Variants in ZNF48 observed in about 807,000 individuals in gnomAD.
ZNF48 encodes the protein zinc finger protein 48.
ZNF48 carries 20 observed loss-of-function variants against 40.0 expected under a neutral mutation model. That is an observed-to-expected ratio of 0.50 (90% CI 0.35 to 0.73). The LOEUF (loss-of-function observed/expected upper bound fraction) is 0.73. Ranked by LOEUF, ZNF48 falls within the 30% of genes least tolerant of loss-of-function variation. The pLI is 0.01. For missense variants in ZNF48, 726 were observed against 851.9 expected, an observed-to-expected ratio of 0.85 and a Z score of 1.84; for synonymous variants, 298 against 329.7, an observed-to-expected ratio of 0.90 and a Z score of 1.04.
rs1436027284 is a variant in ZNF48, at chr16:30,398,414, C to G, written c.1164C>G (p.Ser388Arg). The G allele has an allele frequency of 3.1e-6, 5 of 1,607,872 alleles. No individual in the cohort carries two copies. The highest frequency in any genetic ancestry group is 4.3e-6 in the Non-Finnish European group (5 of 1,175,940). The change falls in exon 3 of 3, where the codon AGC (serine) becomes AGG (arginine). Residue 388 changes from serine to arginine, a missense_variant. Physicochemically the swap from Ser to Arg is moderately radical, Grantham distance 110. Around this residue, in one of 5 missense-constraint regions of ZNF48, gnomAD observed 378 missense variants for 449.1 expected, o/e 0.84. Coordinates refer to ENST00000613509, the MANE Select transcript of ZNF48 (RefSeq NM_001214909.2). This position sits in a 1 kb window ranked among gnomAD's most constrained non-coding sequence, Gnocchi z 6.6. ...CTCACATGGAGCCCCAGGACTTCAG[C>G]TTCCCAGGCTATCCCCTACCCGCTC... is the stretch of plus-strand genomic sequence containing the variant. Reference protein sequence around the residue: ...RLTHMEPQDFSFPGYPLPALI... With the variant: ...RLTHMEPQDFRFPGYPLPALI...
At chr16:30,393,746 C>T (rs1299392259), upstream of ZNF48, among the ~76,000 whole-genome samples, 2 of 151,190 alleles carry the variant, frequency 1.3e-5, no homozygotes, top group African/African-American at 2.4e-5. Flanking sequence ...GATGGGGTCT[C>T]GCTCTATTAC....
intron 1 of ZNF48, chr16:30,380,327 G>T: frequency 5.8e-6 from 1 of 171,414 alleles, no homozygotes; most frequent in South Asian, 1.4e-4. Flanking sequence ...TTTGAAACAA[G>T]GTTTCACTCT....
intron 1 of ZNF48, chr16:30,379,671 C>G (rs1026676736): frequency 8.9e-5 from 22 of 246,328 alleles, no homozygotes; most frequent in African/African-American, 2.9e-4. Flanking sequence ...TTTTTTGAGA[C>G]AGGGTCTCAC....
rs1280598404 is a variant in ZNF48 at position 30,395,768 on chromosome 16, C to G, written c.-15-12C>G. On this transcript the variant is annotated splice_polypyrimidine_tract_variant and intron_variant, in intron 1 of 2. Coordinates refer to ENST00000613509, the MANE Select transcript of ZNF48 (RefSeq NM_001214909.2). This position sits in a 1 kb window ranked among gnomAD's most constrained non-coding sequence, Gnocchi z 5.9. ...TGCGTGACCGCGGGATGCTGTCTGT[C>G]CCCTTGCTCAGGGCGGCGTGCCGGC... 1.3e-6 allele frequency: 2 copies of G among 1,516,942 alleles called. No homozygotes were observed. Among genetic ancestry groups the G allele is most frequent in the Non-Finnish European group, 1.8e-6 (2 of 1,133,298 alleles). The allele number at this position is 1,516,942 out of a possible 1,614,324, so 94.0% of individuals were successfully genotyped here.
rs2050027344 is a variant in ZNF48, at chr16:30,399,133, A to G, written c.*26A>G. The G allele has an allele frequency of 6.6e-7, 1 of 1,526,462 alleles. No homozygotes were observed. Among genetic ancestry groups the G allele is most frequent in the Non-Finnish European group, 8.8e-7 (1 of 1,138,350 alleles). The allele number at this position is 1,526,462 out of a possible 1,614,324, so 94.6% of individuals were successfully genotyped here. The stretch of plus-strand genomic sequence containing the variant: ...CGCGGTCCAGGGAGGGCGGAGGCCC[A>G]GGAGACCAAAGGGAGGGGCTCTGCC... On this transcript the variant is annotated 3_prime_UTR_variant, in exon 3 of 3. Transcript: ENST00000613509.
At chr16:30,390,601 GTTTTTTTTTTTTTTTTTTTTTTT>G (rs796708706), upstream of ZNF48, among the ~76,000 whole-genome samples, 5 of 53,368 alleles carry the variant, frequency 9.4e-5, no homozygotes, top group Admixed American at 5.7e-4. Context: ...GTAGAGACGG[GTTTTTTTTTTTTTTTTTTTTTTT>G]TTTTTTTTTT....
chr16:30,395,360 C>T (rs964401901), upstream of ZNF48: 4 of 451,738 alleles, frequency 8.9e-6, no homozygotes, highest in East Asian at 7.0e-5. The surrounding 1 kb of genome is among the most constrained non-coding windows in gnomAD (Gnocchi z 5.9). Context: ...CCCCCACAGG[C>T]CCGCAGCTCC....
upstream of ZNF48, among the ~76,000 whole-genome samples, chr16:30,394,074 A>G (rs1597017779): frequency 1.3e-5 from 2 of 150,408 alleles, no homozygotes; most frequent in African/African-American, 4.9e-5. Context: ...TCTGTTGCCC[A>G]GCATGGAGTA....
chr16:30,396,684 GCTA>G (rs1390186736), intron 2 of ZNF48, among the ~76,000 whole-genome samples: 2 of 146,522 alleles, frequency 1.4e-5, no homozygotes, highest in Non-Finnish European at 3.0e-5. Context: ...ATCACGCTTT[GCTA>G]CTTTTTTTTT....
At chr16:30,378,787 T>TG in intron 1 of ZNF48, 1 of 1,293,730 alleles carries the variant, frequency 7.7e-7, no homozygotes, top group Non-Finnish European at 1.1e-6. Flanking sequence ...GGGGCGAGGT[T>TG]GGGGTCTAGG....
chr16:30,382,389 G>A lies in ZNF48; in HGVS notation c.-16+3979G>A, dbSNP rs2049862801. 1.9e-6 allele frequency: 3 copies of A among 1,592,530 alleles called. No homozygotes were observed. Among genetic ancestry groups the A allele is most frequent in the Non-Finnish European group, 2.6e-6 (3 of 1,165,832 alleles). On this transcript the variant is annotated intron_variant, in intron 1 of 2. Coordinates refer to the ZNF48 transcript ENST00000528032. This position sits in a 1 kb window ranked among gnomAD's most constrained non-coding sequence, Gnocchi z 4.8. ...TCCTATGGATGGGGGTGGACAATATGAGGCTGCTGGCAATGGCAGGCAGGG... is the reference window on the plus strand; with the variant it reads ...TCCTATGGATGGGGGTGGACAATATAAGGCTGCTGGCAATGGCAGGCAGGG...
chr16:30,398,735 C>T lies in ZNF48; in HGVS notation c.1485C>T (p.Val495=). The stretch of plus-strand genomic sequence containing the variant: ...GTTTTGCTGACAGCTCAGCCCGAGT[C>T]AAGCACCTCCGCACCCACCGTGGTG... ...GKGFADSSAR[V]KHLRTHRGER... The change falls in exon 3 of 3, where the codon GTC becomes GTT. Residue 495 remains valine (V), a synonymous_variant. Coordinates refer to ENST00000613509, the MANE Select transcript of ZNF48 (RefSeq NM_001214909.2). The surrounding 1 kb of genome is among the most constrained non-coding windows in gnomAD (Gnocchi z 6.6). 9 of 1,613,960 alleles carry T rather than the reference C, an allele frequency of 5.6e-6. No individual in the cohort carries two copies. Among genetic ancestry groups the T allele is most frequent in the South Asian group, 1.1e-5 (1 of 91,078 alleles).
chr16:30,381,288 AC>A lies in ZNF48; in HGVS notation c.-16+2884del, dbSNP rs764244550. 4 of 1,498,736 alleles carry A rather than the reference AC, an allele frequency of 2.7e-6. No homozygotes were observed. Among genetic ancestry groups the A allele is most frequent in the East Asian group, 4.5e-5 (2 of 44,242 alleles). The allele number at this position is 1,498,736 out of a possible 1,614,324, so 92.8% of individuals were successfully genotyped here. A position where few individuals can be genotyped will look rare whatever the true frequency, so the allele number is the denominator to read the frequency against. ...CATTGCCCAGCCTCAGGGGGCAGAG[AC>A]CCCCCAGCCCTCCCTAAATGCGCCA... On this transcript the variant is annotated intron_variant, in intron 1 of 2. Transcript: ENST00000528032. This position sits in a 1 kb window ranked among gnomAD's most constrained non-coding sequence, Gnocchi z 4.3.
rs143156281 is a variant in ZNF48 at position 30,398,315 on chromosome 16, C to T, written c.1065C>T (p.Gly355=). ...TCAAACACCTCCGCACCCACAGTGGCGAGAGGCCCCATGCCTGCCCGGAAT... is the reference window on the plus strand; with the variant it reads ...TCAAACACCTCCGCACCCACAGTGGTGAGAGGCCCCATGCCTGCCCGGAAT... ...ARVKHLRTHS[G]ERPHACPECD... is the part of the protein sequence containing the mutation. The change falls in exon 3 of 3, where the codon GGC becomes GGT. Residue 355 remains glycine, a synonymous_variant. Transcript: ENST00000613509. The surrounding 1 kb of genome is among the most constrained non-coding windows in gnomAD (Gnocchi z 6.6). 122 of 1,609,450 alleles carry T rather than the reference C, an allele frequency of 7.6e-5. No homozygotes were observed. In the African/African-American group the frequency reaches 9.5e-4, roughly 12 times the overall value.
rs1254856289 is a variant in ZNF48, at chr16:30,397,897, G to A, written c.647G>A (p.Gly216Asp). The change falls in exon 3 of 3, where the codon GGT (glycine) becomes GAT (aspartate). Residue 216 changes from glycine (G) to aspartate (D), a missense_variant. Coordinates refer to ENST00000613509, the MANE Select transcript of ZNF48 (RefSeq NM_001214909.2). This position sits in a 1 kb window ranked among gnomAD's most constrained non-coding sequence, Gnocchi z 4.1. ...GTGAAACACCAGCGGACACACACTGGTGAGAAGCCCTACAAGTGTGGCATA... is the reference window on the plus strand; with the variant it reads ...GTGAAACACCAGCGGACACACACTGATGAGAAGCCCTACAAGTGTGGCATA... Reference protein sequence around the residue: ...DLVKHQRTHTGEKPYKCGICG... With the variant: ...DLVKHQRTHTDEKPYKCGICG... 6.2e-7 allele frequency: 1 copy of A among 1,613,182 alleles called. No homozygotes were observed. Among genetic ancestry groups the A allele is most frequent in the Non-Finnish European group, 8.5e-7 (1 of 1,179,180 alleles).
chr16:30,380,445 G>A (rs1470161092), intron 1 of ZNF48: 2 of 160,456 alleles, frequency 1.2e-5, no homozygotes, highest in Non-Finnish European at 2.7e-5. Context: ...GGGACTACAA[G>A]TGCACACCAC....
intron 1 of ZNF48, chr16:30,379,638 C>CAATTTTT: frequency 3.4e-6 from 1 of 295,688 alleles, no homozygotes; most frequent in Non-Finnish European, 5.7e-6. Flanking sequence ...CTGCCCCTTC[C>CAATTTTT]TCTTTTTTTT....
intron 1 of ZNF48, chr16:30,379,748 A>G (rs752140005): frequency 1.4e-5 from 8 of 578,734 alleles, no homozygotes; most frequent in Middle Eastern, 4.6e-4. Flanking sequence ...CTGGAATTAC[A>G]GGCGCCCACC....
upstream of ZNF48, among the ~76,000 whole-genome samples, chr16:30,391,414 C>T (rs1187856880): frequency 1.3e-5 from 2 of 150,296 alleles, no homozygotes; most frequent in African/African-American, 4.9e-5. Flanking sequence ...GGTCTCCAAC[C>T]CCTGACCTCA....
Sources: gnomAD v4.1 joint callset for allele counts (sites outside exome capture counted in the v4.1 genomes callset) on GRCh38, gnomAD v4.1.1 for gene constraint, gnomAD v4.1.1 regional missense constraint, Gnocchi (gnomAD v3.1) non-coding constraint, MANE v1.5 for transcripts, NCBI Gene and HGNC (gene_info 2026-07-23, HGNC 2026-07-21) for gene names.